NSD2: variants seen among roughly 807,000 people sequenced by gnomAD.
The protein encoded by NSD2 is histone-lysine N-methyltransferase NSD2.
In NSD2, 12 loss-of-function variants were observed where a neutral mutation model predicts 139.0. That is an observed-to-expected ratio of 0.09 (90% CI 0.06 to 0.14). The LOEUF is 0.14. Ranked by LOEUF, NSD2 falls within the 10% of genes least tolerant of loss-of-function variation. The pLI is 1.00. For missense variants in NSD2, 1,155 were observed against 1,745.0 expected (o/e 0.66, Z 6.02); for synonymous variants, 669 against 648.7 (o/e 1.03, Z -0.48).
chr4:1,977,461 A>G (rs1258998657), intron 21 of NSD2, among the ~76,000 whole-genome samples: 1 of 152,178 alleles, frequency 6.6e-6, no homozygotes. Flanking sequence ...GAAAAATTAA[A>G]TGGCCCTTAC....
intron 3 of NSD2, among the ~76,000 whole-genome samples, chr4:1,915,739 G>A (rs547722558): frequency 6.6e-6 from 1 of 152,202 alleles, no homozygotes; most frequent in South Asian, 2.1e-4. Flanking sequence ...CTTAATTGGG[G>A]GAATCTCCAG....
Position 1,959,612 on chromosome 4 carries a change from C to G in NSD2, c.3127C>G (p.Pro1043Ala), listed in dbSNP as rs1322396712. 6.2e-7 allele frequency: 1 copy of G among 1,614,144 alleles called. No homozygotes were observed. Among genetic ancestry groups the G allele is most frequent in the Admixed American group, 1.7e-5 (1 of 60,022 alleles). Residue 1043 changes from proline to alanine, a missense_variant, in exon 17 of 22, where the codon CCG becomes GCG. By Grantham distance (27) the Pro-to-Ala change is conservative. Coordinates refer to ENST00000508803, the MANE Select transcript of NSD2 (RefSeq NM_001042424.3). ...LNRMLMFECH[P>A]QVCPAGEFCQ... The stretch of plus-strand genomic sequence containing the variant: ...CAGGATGCTGATGTTTGAGTGCCAC[C>G]CGCAGGTGTGTCCCGCGGGCGAGTT...
At chr4:1,934,422 G>A (rs1187574240) in intron 6 of NSD2, among the ~76,000 whole-genome samples, 11 of 151,742 alleles carry the variant, frequency 7.2e-5, no homozygotes, top group Admixed American at 6.6e-4. Flanking sequence ...GCTATCAGGA[G>A]GCAGAGGTTG....
intron 18 of NSD2, among the ~76,000 whole-genome samples, chr4:1,967,083 TG>T (rs561114051): frequency 2.0e-4 from 30 of 152,188 alleles, no homozygotes; most frequent in Non-Finnish European, 3.5e-4. Context: ...CAGAACTGGG[TG>T]TGTGAAGACA....
chr4:1,929,383 C>T (rs999410634), intron 5 of NSD2, among the ~76,000 whole-genome samples: 1 of 152,264 alleles, frequency 6.6e-6, no homozygotes, highest in South Asian at 2.1e-4. Context: ...TTACCACTGC[C>T]AGGTGGAGTG....
rs1343616657 is a variant in NSD2 at position 1,978,920 on chromosome 4, C to T, written c.*11C>T. ...ACAGAGGGCAAATAGCGCCAGGCGG[C>T]CGCTTGGCCGGATCCAGGGGCGGTG... On this transcript the variant is annotated 3_prime_UTR_variant, in exon 22 of 22. Coordinates refer to ENST00000508803, the MANE Select transcript of NSD2 (RefSeq NM_001042424.3). The T allele has an allele frequency of 2.7e-6, 4 of 1,487,920 alleles. No homozygotes were observed. Among genetic ancestry groups the T allele is most frequent in the Admixed American group, 2.4e-5 (1 of 42,218 alleles). 92.2% of individuals were successfully genotyped at this position (1,487,920 alleles called of 1,614,324 possible).
At position 1,974,904 on chromosome 4, in the gene NSD2, A is replaced by C. The variant is rs893125203; in HGVS notation, c.3414A>C (p.Arg1138=). The C allele has an allele frequency of 1.2e-5, 20 of 1,614,052 alleles. No individual in the cohort carries two copies. The Admixed American group carries it at 2.8e-4, about 23-fold the overall frequency. The change falls in exon 19 of 22, where the codon CGA becomes CGC. Residue 1138 remains arginine, a synonymous_variant. Transcript: ENST00000508803. The surrounding 1 kb of genome is among the most constrained non-coding windows in gnomAD (Gnocchi z 4.0). ...IDAGPKGNYS[R]FMNHSCQPNC... ...CTGGCCCCAAAGGAAACTACTCTCG[A>C]TTTATGAATCACAGCTGCCAGCCCA...
chr4:1,975,850 C>T (rs748544468), intron 20 of NSD2, among the ~76,000 whole-genome samples: 1 of 152,210 alleles, frequency 6.6e-6, no homozygotes, highest in Non-Finnish European at 1.5e-5. Flanking sequence ...GCCTGCCCTG[C>T]TACCGTGTGA....
At chr4:1,909,649 T>C (rs1297557002) in intron 3 of NSD2, among the ~76,000 whole-genome samples, 6 of 151,966 alleles carry the variant, frequency 3.9e-5, no homozygotes, top group Non-Finnish European at 5.9e-5. Flanking sequence ...TTTTTTTTTT[T>C]CTTTTCCTGG....
chr4:1,896,132 A>G (rs183510296), intron 1 of NSD2, among the ~76,000 whole-genome samples: 1 of 152,358 alleles, frequency 6.6e-6, no homozygotes. Context: ...TAGTCCAGAC[A>G]GCAGCTCCAC....
At chr4:1,943,108 C>A (rs771094747) in intron 9 of NSD2, 1 of 1,047,322 alleles carries the variant, frequency 9.5e-7, no homozygotes. Context: ...AGCATCAGCC[C>A]TCATGTTTCA....
chr4:1,948,213 G>A lies in NSD2; in HGVS notation c.1882-2859G>A. 2 of 1,064,342 alleles carry A rather than the reference G, an allele frequency of 1.9e-6. No homozygotes were observed. Among genetic ancestry groups the A allele is most frequent in the Non-Finnish European group, 2.3e-6 (2 of 878,400 alleles). The allele number at this position is 1,064,342 out of a possible 1,614,324, so 65.9% of individuals were successfully genotyped here. Reference sequence around the variant, plus strand: ...AGCTCAGTGCCGCAGCATGGCTGTGGTGGACGCGGGAAACAACGGGAAAGT... The same window carrying A: ...AGCTCAGTGCCGCAGCATGGCTGTGATGGACGCGGGAAACAACGGGAAAGT... On this transcript the variant is annotated intron_variant, in intron 9 of 21. Coordinates refer to ENST00000508803, the MANE Select transcript of NSD2 (RefSeq NM_001042424.3). This position sits in a 1 kb window ranked among gnomAD's most constrained non-coding sequence, Gnocchi z 4.5.
At chr4:1,964,196 C>A (rs920007748) in intron 18 of NSD2, among the ~76,000 whole-genome samples, 2 of 152,110 alleles carry the variant, frequency 1.3e-5, no homozygotes, top group African/African-American at 4.8e-5. Flanking sequence ...CTTTAGACGC[C>A]ACAAGAAAAG....
rs746279426 is a variant in NSD2, at chr4:1,938,416, C to CTT, written c.1675-11_1675-10dup. 6.1e-3 allele frequency: 1,981 copies of CTT among 324,430 alleles called. 7 individuals are homozygous for CTT. Among genetic ancestry groups the CTT allele is most frequent in the African/African-American group, 0.012 (233 of 19,508 alleles). The allele number at this position is 324,430 out of a possible 1,614,324, so 20.1% of individuals were successfully genotyped here. On this transcript the variant is annotated intron_variant, in intron 7 of 21. Coordinates refer to ENST00000508803, the MANE Select transcript of NSD2 (RefSeq NM_001042424.3). ...TTTTTCTTTTCTTTTTTTTTTCTTTCTTTTTTTTTTTTTTTTTTTTTTTTT... is the reference window on the plus strand; with the variant it reads ...TTTTTCTTTTCTTTTTTTTTTCTTTCTTTTTTTTTTTTTTTTTTTTTTTTTTT...
intron 11 of NSD2, 86 bp from the exon 12 acceptor site, chr4:1,953,238 G>A (rs558879756): frequency 6.2e-7 from 1 of 1,609,422 alleles, no homozygotes; most frequent in African/African-American, 1.3e-5. Context: ...CTGAAGAGGA[G>A]TTGCTTGATT....
chr4:1,923,582 G>A (rs1009769665), intron 5 of NSD2, among the ~76,000 whole-genome samples: 1 of 152,202 alleles, frequency 6.6e-6, no homozygotes, highest in African/African-American at 2.4e-5. Flanking sequence ...GGATTGAGAA[G>A]ATGAGCAACA....
At chr4:1,883,930 T>C (rs1465100228) in intron 1 of NSD2, among the ~76,000 whole-genome samples, 1 of 152,232 alleles carries the variant, frequency 6.6e-6, no homozygotes, top group Non-Finnish European at 1.5e-5. Context: ...GGATAGAGGC[T>C]GAACTGTCAC....
At chr4:1,967,472 G>T (rs906704634) in intron 18 of NSD2, among the ~76,000 whole-genome samples, 4 of 152,024 alleles carry the variant, frequency 2.6e-5, no homozygotes, top group Non-Finnish European at 5.9e-5. Context: ...CAGCTACTCA[G>T]TAGGCTGAGG....
At chr4:1,886,506 C>G (rs975642571) in intron 1 of NSD2, among the ~76,000 whole-genome samples, 2 of 152,168 alleles carry the variant, frequency 1.3e-5, no homozygotes, top group Admixed American at 1.3e-4. Context: ...TGTGCCTGGC[C>G]TTTCAGCTGT....
Sources: allele counts gnomAD v4.1 joint callset (sites outside exome capture counted in the v4.1 genomes callset), GRCh38; gene constraint gnomAD v4.1.1; non-coding constraint Gnocchi (gnomAD v3.1); transcripts MANE v1.5; gene names NCBI Gene and HGNC (gene_info 2026-07-23, HGNC 2026-07-21).